Variants in IMMP2L observed in about 807,000 individuals in gnomAD.
The protein encoded by IMMP2L is inner mitochondrial membrane peptidase subunit 2, also known as mitochondrial inner membrane protease subunit 2.
A neutral mutation model predicts 19.3 loss-of-function variants in IMMP2L; 18 were observed. That is an observed-to-expected ratio of 0.93 (90% confidence interval 0.64 to 1.38). IMMP2L has a LOEUF of 1.38. Among genes scored for constraint, IMMP2L ranks in the 40% most tolerant of loss-of-function variants. The pLI, the probability that IMMP2L is intolerant of heterozygous loss-of-function variation, is 0.00. For missense variants in IMMP2L, 233 were observed against 218.2 expected (o/e 1.07, Z -0.43); for synonymous variants, 76 against 73.0 (o/e 1.04, Z -0.21).
At chr7:111,291,087 C>T (rs1203055129) in intron 3 of IMMP2L, among the ~76,000 whole-genome samples, 1 of 152,092 alleles carries the variant, frequency 6.6e-6, no homozygotes, top group African/African-American at 2.4e-5. Context: ...TTAGAAACCA[C>T]TCCCTCCCTT....
intron 3 of IMMP2L, among the ~76,000 whole-genome samples, chr7:111,375,329 T>C (rs1428944875): frequency 6.6e-6 from 1 of 151,758 alleles, no homozygotes; most frequent in African/African-American, 2.4e-5. Flanking sequence ...AAAAAAGTGG[T>C]TTTTAATCCA....
At chr7:111,478,771 G>A (rs1841936960) in intron 3 of IMMP2L, among the ~76,000 whole-genome samples, 1 of 151,980 alleles carries the variant, frequency 6.6e-6, no homozygotes, top group South Asian at 2.1e-4. Context: ...CCAATATCTA[G>A]ATTACTGTGA....
intron 3 of IMMP2L, among the ~76,000 whole-genome samples, chr7:111,388,306 G>A (rs1380098641): frequency 6.6e-6 from 1 of 151,980 alleles, no homozygotes; most frequent in African/African-American, 2.4e-5. Context: ...GGGAAATTGG[G>A]CAAACAAATA....
chr7:110,787,703 C>T (rs142719021), intron 5 of IMMP2L, among the ~76,000 whole-genome samples: 1 of 151,960 alleles, frequency 6.6e-6, no homozygotes, highest in African/African-American at 2.4e-5. Context: ...CATTCATTCA[C>T]CTAAAACATT....
chr7:110,801,919 A>G (rs1801273912), intron 5 of IMMP2L, among the ~76,000 whole-genome samples: 1 of 152,114 alleles, frequency 6.6e-6, no homozygotes, highest in African/African-American at 2.4e-5. Flanking sequence ...TGGTAGGAGA[A>G]GCAGCAAACT....
intron 2 of IMMP2L, among the ~76,000 whole-genome samples, chr7:111,499,681 C>G (rs960114156): frequency 6.6e-6 from 1 of 152,180 alleles, no homozygotes; most frequent in South Asian, 2.1e-4. Context: ...CATGTGTTGT[C>G]AAGGCCTCCC....
intron 3 of IMMP2L, among the ~76,000 whole-genome samples, chr7:111,230,481 AGT>A (rs1813594056): frequency 6.6e-6 from 1 of 152,094 alleles, no homozygotes; most frequent in Non-Finnish European, 1.5e-5. Context: ...TGTTCATAAA[AGT>A]GTTTTATGTG....
At chr7:110,997,211 T>C (rs142287032) in intron 3 of IMMP2L, among the ~76,000 whole-genome samples, 42 of 152,300 alleles carry the variant, frequency 2.8e-4, no homozygotes, top group Middle Eastern at 3.4e-3. Context: ...TCCAGTTTGT[T>C]GCATATATCA....
At chr7:110,952,808 A>G (rs1007670702) in intron 4 of IMMP2L, among the ~76,000 whole-genome samples, 2 of 152,126 alleles carry the variant, frequency 1.3e-5, no homozygotes, top group Admixed American at 1.3e-4. Context: ...TGGTTCTAAT[A>G]TTTCATTTTA....
Position 110,746,544 on chromosome 7 carries a change from A to G in IMMP2L, c.409-82823T>C, listed in dbSNP as rs376537011. Reference sequence around the variant, plus strand: ...CAGCAAATGCAAAATAATGCACATCATAATAGTCTCTCAGACCACAGTGCA... The same window carrying G: ...CAGCAAATGCAAAATAATGCACATCGTAATAGTCTCTCAGACCACAGTGCA... On this transcript the variant is annotated intron_variant, in intron 5 of 5. Coordinates refer to ENST00000405709, the MANE Select transcript of IMMP2L (RefSeq NM_032549.4). Among the ~76,000 whole-genome samples the G allele has an allele frequency of 2.6e-5, 4 of 151,348 alleles. No individual in the cohort carries two copies. In the South Asian group the frequency reaches 6.2e-4, roughly 24 times the overall value.
chr7:110,817,215 A>G (rs975986576), intron 5 of IMMP2L, among the ~76,000 whole-genome samples: 2 of 152,118 alleles, frequency 1.3e-5, no homozygotes, highest in Non-Finnish European at 1.5e-5. Context: ...AGAAAACCCC[A>G]TTGTCTCAGC....
chr7:111,096,533 C>T (rs1040766862), intron 3 of IMMP2L, among the ~76,000 whole-genome samples: 3 of 150,742 alleles, frequency 2.0e-5, no homozygotes, highest in Non-Finnish European at 3.0e-5. Context: ...AAAACAAAAC[C>T]CACAACCAAC....
At chr7:110,860,998 A>AG (rs397815514) in intron 5 of IMMP2L, among the ~76,000 whole-genome samples, 14 of 151,450 alleles carry the variant, frequency 9.2e-5, no homozygotes, top group African/African-American at 2.9e-4. Flanking sequence ...GATTAAAAAA[A>AG]TTAAAAATTC....
At chr7:110,931,441 A>G (rs1376699927) in intron 4 of IMMP2L, among the ~76,000 whole-genome samples, 3 of 151,832 alleles carry the variant, frequency 2.0e-5, no homozygotes, top group Admixed American at 6.6e-5. Context: ...CTCCACAAAC[A>G]TTTTTTCACC....
chr7:111,351,078 C>T, intron 3 of IMMP2L, among the ~76,000 whole-genome samples: 1 of 152,138 alleles, frequency 6.6e-6, no homozygotes, highest in African/African-American at 2.4e-5. Context: ...AAAAAGCTTA[C>T]TTAATACATT....
intron 3 of IMMP2L, among the ~76,000 whole-genome samples, chr7:111,054,356 G>A (rs561253572): frequency 1.3e-5 from 2 of 152,260 alleles, no homozygotes; most frequent in African/African-American, 4.8e-5. Context: ...AGTTCATTCT[G>A]AAGAAACTAT....
chr7:111,254,225 G>C (rs1816453568), intron 3 of IMMP2L, among the ~76,000 whole-genome samples: 1 of 137,972 alleles, frequency 7.2e-6, no homozygotes, highest in Admixed American at 7.0e-5. Context: ...TCTGTTTCTT[G>C]TCTTTTGTTT....
At chr7:111,448,821 T>A (rs1186875075) in intron 3 of IMMP2L, among the ~76,000 whole-genome samples, 1 of 103,452 alleles carries the variant, frequency 9.7e-6, no homozygotes, top group African/African-American at 3.8e-5. Context: ...GCAAGACTAA[T>A]AAAGAAAAAA....
At chr7:111,185,729 C>T (rs375186045) in intron 3 of IMMP2L, among the ~76,000 whole-genome samples, 1 of 152,096 alleles carries the variant, frequency 6.6e-6, no homozygotes, top group East Asian at 1.9e-4. Context: ...GAATTACTGT[C>T]CAACCACTTT....
Sources: allele counts gnomAD v4.1 joint callset (sites outside exome capture counted in the v4.1 genomes callset), GRCh38; gene constraint gnomAD v4.1.1; transcripts MANE v1.5; gene names NCBI Gene and HGNC (gene_info 2026-07-23, HGNC 2026-07-21).